The following SLC25A13 variants were observed in gnomAD, a reference collection of about 807,000 sequenced individuals.
SLC25A13 encodes the protein electrogenic aspartate/glutamate antiporter SLC25A13, mitochondrial.
Under a neutral mutation model 85.5 loss-of-function variants are expected in SLC25A13, and 70 were observed. The observed-to-expected ratio is 0.82, with a 90% confidence interval of 0.68 to 1.00. The LOEUF is 1.00. SLC25A13 is among the 50% of genes least tolerant of loss of function. SLC25A13 has a pLI of 0.00. For synonymous variants in SLC25A13, 259 were observed against 288.7 expected (o/e 0.90, Z 1.04); for missense variants, 765 against 819.8 (o/e 0.93, Z 0.82).
At chr7:96,278,802 C>T (rs1042936431) in intron 2 of SLC25A13, among the ~76,000 whole-genome samples, 1 of 152,218 alleles carries the variant, frequency 6.6e-6, no homozygotes, top group Middle Eastern at 3.4e-3. Flanking sequence ...TTTAATTCGG[C>T]TTTTTGGACA....
At chr7:96,199,260 T>C (rs1206257354) in intron 5 of SLC25A13, among the ~76,000 whole-genome samples, 2 of 152,184 alleles carry the variant, frequency 1.3e-5, no homozygotes, top group African/African-American at 4.8e-5. Flanking sequence ...ACAGACTGCC[T>C]GTTCCTTTTA....
chr7:96,269,591 A>G (rs1307873670), intron 3 of SLC25A13, among the ~76,000 whole-genome samples: 1 of 152,222 alleles, frequency 6.6e-6, no homozygotes, highest in Non-Finnish European at 1.5e-5. Flanking sequence ...GAGTGTATTC[A>G]TTTCCTGGGG....
At chr7:96,289,538 A>T (rs1469433322) in intron 2 of SLC25A13, among the ~76,000 whole-genome samples, 1 of 152,226 alleles carries the variant, frequency 6.6e-6, no homozygotes, top group Non-Finnish European at 1.5e-5. Context: ...GGCTAACTAA[A>T]ATAACCAGCG....
At position 96,160,962 on chromosome 7, in the gene SLC25A13, C is replaced by T. The variant is rs989471320; in HGVS notation, c.1311+9083G>A. Among the ~76,000 whole-genome samples, 5 of 146,890 alleles carry T rather than the reference C, an allele frequency of 3.4e-5. No homozygotes were observed. In the Admixed American group the frequency reaches 3.4e-4, roughly 10 times the overall value. On this transcript the variant is annotated intron_variant, in intron 13 of 17. Coordinates refer to ENST00000265631, the MANE Select transcript of SLC25A13 (RefSeq NM_014251.3). Reference sequence around the variant, plus strand: ...AGAAATCTGCCAATTTAGATAGTGCCATGAGGTTAGCATTTTTTTTTTTTT... The same window carrying T: ...AGAAATCTGCCAATTTAGATAGTGCTATGAGGTTAGCATTTTTTTTTTTTT...
At chr7:96,292,517 T>C (rs1799167706) in intron 2 of SLC25A13, among the ~76,000 whole-genome samples, 1 of 152,214 alleles carries the variant, frequency 6.6e-6, no homozygotes, top group African/African-American at 2.4e-5. Flanking sequence ...CATGATTGTA[T>C]ATTTAGAAAA....
chr7:96,183,959 T>C (rs1394761927), intron 11 of SLC25A13, among the ~76,000 whole-genome samples: 2 of 152,196 alleles, frequency 1.3e-5, no homozygotes, highest in Non-Finnish European at 2.9e-5. Flanking sequence ...CTTTCCCTGT[T>C]AGCTGGAGAA....
chr7:96,279,782 T>C (rs191275677), intron 2 of SLC25A13, among the ~76,000 whole-genome samples: 195 of 152,316 alleles, frequency 1.3e-3, no homozygotes, highest in Non-Finnish European at 2.4e-3. Context: ...TTTTAGTACA[T>C]TAGTACTTTA....
intron 14 of SLC25A13, among the ~76,000 whole-genome samples, chr7:96,141,860 C>T (rs1358972953): frequency 6.6e-6 from 1 of 152,158 alleles, no homozygotes; most frequent in African/African-American, 2.4e-5. Context: ...TGCACATGTC[C>T]TTTGACCTAA....
At chr7:96,203,607 A>G (rs578117108) in intron 5 of SLC25A13, among the ~76,000 whole-genome samples, 1 of 152,318 alleles carries the variant, frequency 6.6e-6, no homozygotes, top group East Asian at 1.9e-4. Flanking sequence ...GTAGCTAATA[A>G]CAATGTTGTT....
At chr7:96,253,364 G>A (rs112363950) in intron 3 of SLC25A13, among the ~76,000 whole-genome samples, 1 of 151,972 alleles carries the variant, frequency 6.6e-6, no homozygotes, top group Non-Finnish European at 1.5e-5. Context: ...AATTGAGAAG[G>A]GAAAGCTAAC....
chr7:96,219,186 T>C (rs1259090627), intron 4 of SLC25A13, among the ~76,000 whole-genome samples: 1 of 152,162 alleles, frequency 6.6e-6, no homozygotes, highest in African/African-American at 2.4e-5. Flanking sequence ...TGGTTGCCAT[T>C]AAAACATAGT....
intron 13 of SLC25A13, among the ~76,000 whole-genome samples, chr7:96,169,315 C>A (rs995005762): frequency 6.6e-6 from 1 of 151,928 alleles, no homozygotes; most frequent in South Asian, 2.1e-4. Context: ...GAAATAGGTT[C>A]GGATAAAAAA....
At chr7:96,224,974 TG>T (rs1475774840) in intron 4 of SLC25A13, among the ~76,000 whole-genome samples, 1 of 152,140 alleles carries the variant, frequency 6.6e-6, no homozygotes, top group Non-Finnish European at 1.5e-5. Context: ...AACTTCCCCA[TG>T]TCTATTTCCT....
At chr7:96,212,451 G>A (rs1044122183) in intron 4 of SLC25A13, among the ~76,000 whole-genome samples, 5 of 152,162 alleles carry the variant, frequency 3.3e-5, no homozygotes, top group African/African-American at 1.2e-4. Flanking sequence ...CTAAACCACA[G>A]GGTGGCCTCA....
chr7:96,280,770 G>T (rs749067110), intron 2 of SLC25A13, among the ~76,000 whole-genome samples: 1 of 151,824 alleles, frequency 6.6e-6, no homozygotes, highest in African/African-American at 2.4e-5. Flanking sequence ...CCAAGATAAC[G>T]AAAAAGAATA....
chr7:96,267,806 A>AAT (rs1798093692), intron 3 of SLC25A13, among the ~76,000 whole-genome samples: 1 of 151,764 alleles, frequency 6.6e-6, no homozygotes, highest in African/African-American at 2.4e-5. Flanking sequence ...GTCTCAAAAA[A>AAT]AAAAAAAAAA....
intron 5 of SLC25A13, among the ~76,000 whole-genome samples, chr7:96,193,608 C>T (rs569844839): frequency 2.0e-5 from 3 of 152,336 alleles, no homozygotes; most frequent in African/African-American, 7.2e-5. Flanking sequence ...CAACCTGGTA[C>T]CCAAACACAT....
intron 2 of SLC25A13, among the ~76,000 whole-genome samples, chr7:96,288,520 C>T (rs1273684584): frequency 6.6e-6 from 1 of 152,182 alleles, no homozygotes; most frequent in African/African-American, 2.4e-5. Context: ...CCTTTCCTAG[C>T]CAAGGGAAGG....
At chr7:96,317,200 G>A (rs1800162491) in intron 1 of SLC25A13, among the ~76,000 whole-genome samples, 1 of 151,980 alleles carries the variant, frequency 6.6e-6, no homozygotes, top group South Asian at 2.1e-4. Flanking sequence ...TTCCTGACCT[G>A]AGGTGATTCA....
Sources: gnomAD v4.1 joint callset for allele counts (sites outside exome capture counted in the v4.1 genomes callset) on GRCh38, gnomAD v4.1.1 for gene constraint, MANE v1.5 for transcripts, NCBI Gene and HGNC (gene_info 2026-07-23, HGNC 2026-07-21) for gene names.